Variants in USO1 observed in about 807,000 individuals in gnomAD.
USO1 encodes the protein general vesicular transport factor p115.
USO1 carries 57 observed loss-of-function variants against 124.5 expected under a neutral mutation model. The observed-to-expected ratio is 0.46, with a 90% confidence interval of 0.37 to 0.57. The LOEUF is 0.57. USO1 is among the 20% of genes least tolerant of loss of function. USO1 has a pLI of 0.00. For missense variants in USO1, 900 were observed against 1,040.6 expected (o/e 0.86, Z 1.86); for synonymous variants, 369 against 362.8 (o/e 1.02, Z -0.19).
intron 4 of USO1, chr4:75,760,518 G>T (rs1005572096): frequency 2.0e-5 from 8 of 391,094 alleles, no homozygotes; most frequent in Non-Finnish European, 2.7e-5. Context: ...CCTATTTTAC[G>T]TGTATACTAC....
At position 75,790,798 on chromosome 4, in the gene USO1, G is replaced by T; in HGVS notation, c.1240+1G>T. ...ACACTTTTACCTTCTACCATTGATG[G>T]TAAATAATTTAGTTCTAATTTTTAT... On this transcript the variant is annotated splice_donor_variant, in intron 12 of 23. Coordinates refer to ENST00000514213, the MANE Select transcript of USO1 (RefSeq NM_003715.4). LOFTEE classifies it high-confidence loss of function. 6.3e-7 allele frequency: 1 copy of T among 1,577,224 alleles called. No homozygotes were observed. Among genetic ancestry groups the T allele is most frequent in the Non-Finnish European group, 8.6e-7 (1 of 1,164,996 alleles).
At chr4:75,783,683 G>T (rs1307497434) in intron 9 of USO1, among the ~76,000 whole-genome samples, 1 of 152,134 alleles carries the variant, frequency 6.6e-6, no homozygotes, top group Non-Finnish European at 1.5e-5. Flanking sequence ...CCCATGCCAT[G>T]GGAGTTGCCT....
At chr4:75,750,424 C>G (rs1721269591) in intron 1 of USO1, among the ~76,000 whole-genome samples, 1 of 60,944 alleles carries the variant, frequency 1.6e-5, no homozygotes, top group Non-Finnish European at 3.2e-5. Flanking sequence ...GGAGATAGAG[C>G]AAGACCCCAT....
intron 1 of USO1, among the ~76,000 whole-genome samples, chr4:75,728,903 ATTC>A (rs1475768397): frequency 1.3e-5 from 2 of 151,470 alleles, no homozygotes; most frequent in African/African-American, 4.9e-5. Flanking sequence ...GGTTCACGCC[ATTC>A]TTCTGCCTCA....
At chr4:75,803,383 C>T (rs574386661) in intron 17 of USO1, among the ~76,000 whole-genome samples, 2 of 151,934 alleles carry the variant, frequency 1.3e-5, no homozygotes, top group Non-Finnish European at 2.9e-5. Context: ...CACGGTGGCT[C>T]ACGCCTGTAA....
At chr4:75,725,362 G>A (rs1257046305) in intron 1 of USO1, among the ~76,000 whole-genome samples, 1 of 152,210 alleles carries the variant, frequency 6.6e-6, no homozygotes, top group African/African-American at 2.4e-5. Flanking sequence ...CCAGCTGTTG[G>A]TGAGAGCATT....
intron 13 of USO1, among the ~76,000 whole-genome samples, chr4:75,798,588 A>C (rs1438649144): frequency 6.6e-6 from 1 of 152,232 alleles, no homozygotes; most frequent in Non-Finnish European, 1.5e-5. Context: ...GTCCTGTTTG[A>C]ACTTAATTCA....
intron 7 of USO1, among the ~76,000 whole-genome samples, chr4:75,773,338 A>G (rs760251083): frequency 2.1e-4 from 29 of 139,366 alleles, no homozygotes; most frequent in Non-Finnish European, 4.1e-4. Context: ...TAATAAACCT[A>G]TTCAAGAGGG....
At position 75,787,178 on chromosome 4, in the gene USO1, G is replaced by A. The variant is rs763284916; in HGVS notation, c.972G>A (p.Gly324=). Residue 324 remains glycine (G), a synonymous_variant, in exon 10 of 24, where the codon GGG becomes GGA. Transcript: ENST00000514213. ...QQLCTILMAT[G]VPADILTETI... ...TTTGTACTATCCTAATGGCTACTGG[G>A]GTTCCTGCTGATATCCTGACTGAGG... 6.4e-7 allele frequency: 1 copy of A among 1,557,324 alleles called. No individual in the cohort carries two copies. The highest frequency in any genetic ancestry group is 1.2e-5 in the South Asian group (1 of 82,350).
intron 4 of USO1, among the ~76,000 whole-genome samples, chr4:75,763,740 G>A (rs1288464310): frequency 6.6e-6 from 1 of 151,754 alleles, no homozygotes; most frequent in Non-Finnish European, 1.5e-5. Flanking sequence ...TAAACTATAG[G>A]CTATAAAAAA....
intron 3 of USO1, among the ~76,000 whole-genome samples, chr4:75,753,780 A>ATTTT (rs1180101340): frequency 1.8e-4 from 22 of 125,710 alleles, no homozygotes; most frequent in African/African-American, 6.0e-4. Context: ...AGCTCTTTCA[A>ATTTT]TTTTTTTTTT....
chr4:75,727,430 TTTC>T (rs1191848784), intron 1 of USO1, among the ~76,000 whole-genome samples: 8 of 152,342 alleles, frequency 5.3e-5, no homozygotes, highest in South Asian at 2.1e-4. Context: ...TCTTCTATTT[TTTC>T]TTTTTAATCA....
chr4:75,765,959 G>A (rs1721758823), intron 4 of USO1, among the ~76,000 whole-genome samples: 1 of 152,010 alleles, frequency 6.6e-6, no homozygotes, highest in Non-Finnish European at 1.5e-5. Flanking sequence ...TGTACTTTTG[G>A]TGTTTGTTTT....
intron 9 of USO1, among the ~76,000 whole-genome samples, chr4:75,783,495 A>G (rs542803453): frequency 5.9e-5 from 9 of 152,326 alleles, no homozygotes; most frequent in African/African-American, 1.9e-4. Flanking sequence ...GAAGTAGTCT[A>G]CTTACTCCTT....
intron 12 of USO1, among the ~76,000 whole-genome samples, 194 bp from the exon 13 acceptor site, chr4:75,793,496 C>A (rs1003362252): frequency 6.6e-6 from 1 of 152,128 alleles, no homozygotes; most frequent in African/African-American, 2.4e-5. Context: ...AACTTTCTCT[C>A]ATTGTTCATT....
chr4:75,729,369 T>A (rs1399123257), intron 1 of USO1, among the ~76,000 whole-genome samples: 7 of 152,102 alleles, frequency 4.6e-5, no homozygotes, highest in Non-Finnish European at 7.4e-5. Flanking sequence ...GTACGAAGTC[T>A]CGCTCTGTCG....
intron 1 of USO1, among the ~76,000 whole-genome samples, chr4:75,732,903 T>C (rs1383296914): frequency 5.1e-5 from 2 of 38,962 alleles, no homozygotes; most frequent in Non-Finnish European, 1.1e-4. Context: ...AAAAAAGTCA[T>C]AGTTGGGGGA....
intron 8 of USO1, among the ~76,000 whole-genome samples, chr4:75,779,182 C>T (rs989096133): frequency 6.6e-6 from 1 of 152,178 alleles, no homozygotes; most frequent in Non-Finnish European, 1.5e-5. Context: ...CATCCTCTCT[C>T]TCTCCCACTC....
At chr4:75,800,306 G>A (rs4859409) in intron 14 of USO1, 45 bp from the exon 15 acceptor site, 917,666 of 1,531,796 alleles carry the variant, frequency 0.6, 279,188 homozygotes, top group East Asian at 0.83. Flanking sequence ...ATTGCAAAAT[G>A]TACTAGATAT....
Sources: gnomAD v4.1 joint callset for allele counts (sites outside exome capture counted in the v4.1 genomes callset) on GRCh38, gnomAD v4.1.1 for gene constraint, MANE v1.5 for transcripts, NCBI Gene and HGNC (gene_info 2026-07-23, HGNC 2026-07-21) for gene names.